The following PTPRQ variants were observed in gnomAD, a reference collection of about 807,000 sequenced individuals.
The protein encoded by PTPRQ is phosphatidylinositol phosphatase PTPRQ.
PTPRQ carries 199 observed loss-of-function variants against 246.0 expected under a neutral mutation model. That is an observed-to-expected ratio of 0.81 (90% confidence interval 0.72 to 0.91). The LOEUF (loss-of-function observed/expected upper bound fraction) is 0.91, where lower values mean the gene tolerates loss of function less well. Ranked by LOEUF, PTPRQ falls within the 40% of genes least tolerant of loss-of-function variation. The pLI is 0.00. For synonymous variants in PTPRQ, 869 were observed against 853.2 expected, an observed-to-expected ratio of 1.02 and a Z score of -0.32; for missense variants, 2,624 against 2,528.4, an observed-to-expected ratio of 1.04 and a Z score of -0.81.
At chr12:80,492,466 A>G (rs1413328638) in intron 9 of PTPRQ, among the ~76,000 whole-genome samples, 1 of 152,026 alleles carries the variant, frequency 6.6e-6, no homozygotes, top group African/African-American at 2.4e-5. Flanking sequence ...CAAAGTCAAC[A>G]TTCTACACAA....
intron 26 of PTPRQ, among the ~76,000 whole-genome samples, chr12:80,596,113 A>G (rs560392475): frequency 2.3e-4 from 35 of 152,022 alleles, no homozygotes; most frequent in Non-Finnish European, 3.8e-4. Flanking sequence ...TAATAGATTG[A>G]TGGTCCATGA....
chr12:80,623,847 G>C (rs536585841), intron 33 of PTPRQ, among the ~76,000 whole-genome samples: 40 of 152,198 alleles, frequency 2.6e-4, no homozygotes, highest in African/African-American at 5.3e-4. Flanking sequence ...GCTATAAAAG[G>C]GGGGGAGCGC....
chr12:80,510,467 A>G (rs1347438061), intron 17 of PTPRQ, 24 bp downstream of exon 17: 56 of 1,522,758 alleles, frequency 3.7e-5, no homozygotes, highest in Admixed American at 8.3e-5. Flanking sequence ...TTTTGGAAAT[A>G]GTTCTGAGAA....
chr12:80,672,729 G>A (rs1901010143), intron 42 of PTPRQ, among the ~76,000 whole-genome samples: 1 of 151,994 alleles, frequency 6.6e-6, no homozygotes, highest in Non-Finnish European at 1.5e-5. Flanking sequence ...AAGGACAATT[G>A]CAACACTATT....
chr12:80,583,055 CTCT>C (rs1462780827), intron 25 of PTPRQ, among the ~76,000 whole-genome samples: 3 of 152,116 alleles, frequency 2.0e-5, no homozygotes, highest in Non-Finnish European at 4.4e-5. Context: ...ATGTGTGACA[CTCT>C]TCTTCTTCAG....
intron 17 of PTPRQ, among the ~76,000 whole-genome samples, chr12:80,511,739 C>T (rs1895133429): frequency 6.6e-6 from 1 of 152,178 alleles, no homozygotes; most frequent in Non-Finnish European, 1.5e-5. Context: ...ACCAACTGCA[C>T]AAGCTCTGTG....
chr12:80,649,437 G>A, intron 36 of PTPRQ, 151 bp from the exon 37 acceptor site: 1 of 1,102,796 alleles, frequency 9.1e-7, no homozygotes, highest in Middle Eastern at 3.2e-4. Context: ...AATTTTATAA[G>A]TATAACAGAG....
rs1334991448 is a variant in PTPRQ at position 80,484,542 on chromosome 12, G to A, written c.1296G>A (p.Val432=). ...QPNGIINQYR[V]KVLVPETGII... ...ATGGAATTATTAACCAATACCGAGT[G>A]AAAGTGCTAGTTCCAGAGACAGGAA... Residue 432 remains valine (V), a synonymous_variant, in exon 9 of 45, where the codon GTG becomes GTA. Transcript: ENST00000644991. 6.4e-7 allele frequency: 1 copy of A among 1,551,116 alleles called. No individual in the cohort carries two copies. The highest frequency in any genetic ancestry group is 1.2e-5 in the South Asian group (1 of 83,946).
rs1893072547 is a variant in PTPRQ, at chr12:80,459,265, C to G, written c.461-19C>G. ...TTTTATAACAAAGTTTTTTCCTTCC[C>G]AATCTTTCTCTTCCCCAGCTCCAGG... On this transcript the variant is annotated intron_variant, in intron 4 of 44. Coordinates refer to ENST00000644991, the MANE Select transcript of PTPRQ (RefSeq NM_001145026.2). 5.0e-6 allele frequency: 2 copies of G among 398,118 alleles called. No individual in the cohort carries two copies. Among genetic ancestry groups the G allele is most frequent in the African/African-American group, 2.1e-5 (1 of 48,596 alleles). 24.7% of individuals were successfully genotyped at this position (398,118 alleles called of 1,614,324 possible).
chr12:80,661,218 T>C (rs921344783), intron 39 of PTPRQ, among the ~76,000 whole-genome samples: 1 of 150,566 alleles, frequency 6.6e-6, no homozygotes, highest in Admixed American at 6.7e-5. Context: ...GGAAAAAATA[T>C]ATATATATAA....
intron 8 of PTPRQ, among the ~76,000 whole-genome samples, chr12:80,474,755 A>T (rs765251492): frequency 6.6e-6 from 1 of 152,246 alleles, no homozygotes; most frequent in African/African-American, 2.4e-5. Flanking sequence ...GGTAAAAAAA[A>T]TAAGCAGACT....
chr12:80,630,229 C>T lies in PTPRQ; in HGVS notation c.5687-1963C>T, dbSNP rs1297694601. Among the ~76,000 whole-genome samples the T allele has an allele frequency of 2.6e-5, 4 of 152,042 alleles. No homozygotes were observed. In the South Asian group the frequency reaches 8.3e-4, roughly 32 times the overall value. On this transcript the variant is annotated intron_variant, in intron 33 of 44. Coordinates refer to ENST00000644991, the MANE Select transcript of PTPRQ (RefSeq NM_001145026.2). ...TTCTATTATTTTTTTAAAGAGCCTT[C>T]TTTTCTCCTTTCCTTCCCCCCTATG...
intron 25 of PTPRQ, among the ~76,000 whole-genome samples, chr12:80,570,843 T>G (rs955354896): frequency 6.6e-6 from 1 of 152,202 alleles, no homozygotes; most frequent in Non-Finnish European, 1.5e-5. Flanking sequence ...AAATAGGGAA[T>G]CATTTCCCCA....
At chr12:80,664,283 C>T (rs1486687805) in intron 39 of PTPRQ, among the ~76,000 whole-genome samples, 2 of 151,966 alleles carry the variant, frequency 1.3e-5, no homozygotes, top group Non-Finnish European at 2.9e-5. Flanking sequence ...TTTTCACCTA[C>T]ATCTGATAGC....
At chr12:80,661,604 A>G (rs1306423361) in intron 39 of PTPRQ, among the ~76,000 whole-genome samples, 1 of 151,544 alleles carries the variant, frequency 6.6e-6, no homozygotes, top group Non-Finnish European at 1.5e-5. Context: ...TGCCCAACAC[A>G]TTTTCTTTAG....
chr12:80,610,750 A>T (rs1213070677), intron 28 of PTPRQ, 125 bp downstream of exon 28: 2 of 1,153,422 alleles, frequency 1.7e-6, no homozygotes, highest in East Asian at 2.7e-5. Context: ...TAAACAAAAA[A>T]ATTAGTGACT....
At chr12:80,483,683 C>T (rs959107122) in intron 8 of PTPRQ, among the ~76,000 whole-genome samples, 1 of 151,744 alleles carries the variant, frequency 6.6e-6, no homozygotes, top group Non-Finnish European at 1.5e-5. Flanking sequence ...TTACTGCACC[C>T]ATCAAAGTGT....
At chr12:80,677,710 G>C (rs1436127100) in intron 43 of PTPRQ, among the ~76,000 whole-genome samples, 1 of 152,090 alleles carries the variant, frequency 6.6e-6, no homozygotes, top group Admixed American at 6.6e-5. Context: ...TTTCAATAGA[G>C]GAGTTCCAAA....
At chr12:80,551,741 A>G (rs1441374834) in intron 25 of PTPRQ, among the ~76,000 whole-genome samples, 1 of 152,034 alleles carries the variant, frequency 6.6e-6, no homozygotes, top group African/African-American at 2.4e-5. Context: ...TTATTCTTAT[A>G]TCCTTTTATT....
Sources: gnomAD v4.1 joint callset for allele counts (sites outside exome capture counted in the v4.1 genomes callset) on GRCh38, gnomAD v4.1.1 for gene constraint, MANE v1.5 for transcripts, NCBI Gene and HGNC (gene_info 2026-07-23, HGNC 2026-07-21) for gene names.